ARHGEF3: variants seen among roughly 807,000 people sequenced by gnomAD.
ARHGEF3 encodes the protein 59.8 kDA protein.
A neutral mutation model predicts 63.2 loss-of-function variants in ARHGEF3; 28 were observed. That is an observed-to-expected ratio of 0.44 (90% CI 0.33 to 0.61). The LOEUF (loss-of-function observed/expected upper bound fraction) is 0.61. Among genes scored for constraint, ARHGEF3 ranks in the 20% least tolerant of loss-of-function variants. The probability of loss-of-function intolerance (pLI) is 0.03; values close to 1 mark genes in which losing one functional copy is unlikely to be tolerated. For synonymous variants in ARHGEF3, 266 were observed against 254.2 expected, an observed-to-expected ratio of 1.05 and a Z score of -0.44; for missense variants, 533 against 659.3, an observed-to-expected ratio of 0.81 and a Z score of 2.10.
At chr3:56,958,289 A>G (rs1700129517) in intron 3 of ARHGEF3, among the ~76,000 whole-genome samples, 1 of 150,982 alleles carries the variant, frequency 6.6e-6, no homozygotes, top group Admixed American at 6.6e-5. Flanking sequence ...GGGCAGGTGA[A>G]TGTCAGCAGA....
intron 1 of ARHGEF3, among the ~76,000 whole-genome samples, chr3:57,039,185 G>C (rs905196412): frequency 1.3e-5 from 2 of 152,158 alleles, no homozygotes; most frequent in Non-Finnish European, 2.9e-5. Flanking sequence ...TCAGCTGGCA[G>C]GATCAGCACC....
intron 1 of ARHGEF3, among the ~76,000 whole-genome samples, chr3:57,047,289 G>A (rs55828331): frequency 0.022 from 3,318 of 152,296 alleles, 65 homozygotes; most frequent in Non-Finnish European, 0.033. Flanking sequence ...GGAGGCTGCA[G>A]TGAGCCGAGA....
At chr3:56,995,777 G>A (rs1225285217) in intron 2 of ARHGEF3, among the ~76,000 whole-genome samples, 1 of 151,978 alleles carries the variant, frequency 6.6e-6, no homozygotes, top group East Asian at 1.9e-4. Context: ...AGCTAAAATT[G>A]GACATTTGAA....
At chr3:56,730,506 T>A (rs188855432) in intron 9 of ARHGEF3, among the ~76,000 whole-genome samples, 1 of 151,598 alleles carries the variant, frequency 6.6e-6, no homozygotes, top group Non-Finnish European at 1.5e-5. Context: ...GCCTCCTGAG[T>A]AGCTGGGATT....
intron 2 of ARHGEF3, among the ~76,000 whole-genome samples, chr3:56,976,964 G>C (rs1366290562): frequency 1.3e-5 from 2 of 152,016 alleles, no homozygotes; most frequent in African/African-American, 2.4e-5. Flanking sequence ...CTGAGTAAAA[G>C]AGGGTAATAT....
chr3:56,962,595 G>C (rs1239333575), intron 2 of ARHGEF3, among the ~76,000 whole-genome samples: 1 of 152,230 alleles, frequency 6.6e-6, no homozygotes, highest in Non-Finnish European at 1.5e-5. Flanking sequence ...AGGAAAGCCA[G>C]GGATGGGTGA....
intron 4 of ARHGEF3, among the ~76,000 whole-genome samples, chr3:56,882,010 G>A (rs1461484366): frequency 6.6e-6 from 1 of 152,168 alleles, no homozygotes; most frequent in African/African-American, 2.4e-5. Flanking sequence ...AGAGTACACT[G>A]GTATTTATCT....
chr3:56,743,446 G>A lies in ARHGEF3; in HGVS notation c.870+1759C>T, dbSNP rs576642446. ...TTTGGAGTCTACACTGACAGGGTTT[G>A]AACATCAACTGCATCACTTGCTGGC... On this transcript the variant is annotated intron_variant, in intron 7 of 9. Transcript: ENST00000296315. Among the ~76,000 whole-genome samples the A allele has an allele frequency of 1.1e-4, 16 of 152,280 alleles. No individual in the cohort carries two copies. In the East Asian group the frequency reaches 2.9e-3, roughly 28 times the overall value.
At chr3:56,989,790 A>G (rs1297520479) in intron 2 of ARHGEF3, among the ~76,000 whole-genome samples, 2 of 152,076 alleles carry the variant, frequency 1.3e-5, no homozygotes, top group African/African-American at 4.8e-5. Flanking sequence ...GCTCACTCAG[A>G]CTTTACGCAC....
exon 4 of ARHGEF3, chr3:56,882,328 A>C (rs1024839874): frequency 2.3e-5 from 35 of 1,551,850 alleles, no homozygotes; most frequent in Non-Finnish European, 2.9e-5. Flanking sequence ...CAGCATCTTC[A>C]TCTTGGGTGC....
chr3:56,843,326 C>T (rs575987317), intron 4 of ARHGEF3, among the ~76,000 whole-genome samples: 6 of 152,280 alleles, frequency 3.9e-5, no homozygotes, highest in African/African-American at 1.4e-4. Context: ...AGGGCATGAT[C>T]TTGGCTCACT....
chr3:56,804,394 C>T (rs759803452), upstream of ARHGEF3, among the ~76,000 whole-genome samples: 10 of 152,194 alleles, frequency 6.6e-5, no homozygotes, highest in Non-Finnish European at 1.3e-4. Flanking sequence ...CAGAACCCAG[C>T]AGTTCCTACT....
chr3:56,770,496 T>C (rs2035948058), intron 2 of ARHGEF3, among the ~76,000 whole-genome samples: 1 of 152,110 alleles, frequency 6.6e-6, no homozygotes, highest in South Asian at 2.1e-4. Context: ...TCTCTCAGTC[T>C]AGCTGGTGAG....
At chr3:57,006,443 G>A (rs542038324) in intron 2 of ARHGEF3, among the ~76,000 whole-genome samples, 2 of 152,210 alleles carry the variant, frequency 1.3e-5, no homozygotes, top group South Asian at 2.1e-4. Flanking sequence ...CTCATTAGGC[G>A]GAGCTCCCCG....
chr3:56,838,000 C>G (rs2039175623), intron 4 of ARHGEF3, among the ~76,000 whole-genome samples: 1 of 152,136 alleles, frequency 6.6e-6, no homozygotes, highest in South Asian at 2.1e-4. Context: ...AATACAGCCT[C>G]TTGGATGTGT....
intron 3 of ARHGEF3, among the ~76,000 whole-genome samples, chr3:56,945,879 A>C (rs1400209265): frequency 6.6e-6 from 1 of 152,176 alleles, no homozygotes; most frequent in Non-Finnish European, 1.5e-5. Context: ...GGCACCCCCC[A>C]GTACGGGCAG....
At chr3:56,760,943 T>G (rs530739252) in intron 2 of ARHGEF3, among the ~76,000 whole-genome samples, 1 of 152,124 alleles carries the variant, frequency 6.6e-6, no homozygotes, top group East Asian at 1.9e-4. Context: ...AGGGACTGGA[T>G]GTTGAAAGAA....
intron 4 of ARHGEF3, among the ~76,000 whole-genome samples, chr3:56,814,313 A>T (rs1218249760): frequency 1.3e-5 from 2 of 152,064 alleles, no homozygotes; most frequent in Non-Finnish European, 2.9e-5. Flanking sequence ...GATTTTTTTT[A>T]AGCTCATCAG....
intron 4 of ARHGEF3, among the ~76,000 whole-genome samples, chr3:56,822,281 A>G (rs60694652): frequency 0.19 from 28,873 of 152,094 alleles, 3,045 homozygotes; most frequent in East Asian, 0.36. Context: ...AGGAAGTGGC[A>G]CAGCAGGAAA....
Sources: gnomAD v4.1 joint callset for allele counts (sites outside exome capture counted in the v4.1 genomes callset) on GRCh38, gnomAD v4.1.1 for gene constraint, MANE v1.5 for transcripts, NCBI Gene and HGNC (gene_info 2026-07-23, HGNC 2026-07-21) for gene names.